The following LCOR variants were observed in gnomAD, a reference collection of about 807,000 sequenced individuals.
The protein encoded by LCOR is ligand dependent nuclear receptor corepressor.
A neutral mutation model predicts 64.4 loss-of-function variants in LCOR; 14 were observed. That is an observed-to-expected ratio of 0.22 (90% CI 0.14 to 0.34). LCOR has a LOEUF of 0.34. LCOR is among the 10% of genes least tolerant of loss of function. LCOR has a pLI of 1.00. For missense variants in LCOR, 1,686 were observed against 1,765.3 expected (o/e 0.96, Z 0.80); for synonymous variants, 643 against 642.5 (o/e 1.00, Z -0.01).
chr10:96,900,700 CAT>C (rs1234143118), intron 2 of LCOR, among the ~76,000 whole-genome samples: 1 of 151,918 alleles, frequency 6.6e-6, no homozygotes, highest in African/African-American at 2.4e-5. Flanking sequence ...TATTCCCAAT[CAT>C]ATTTTTCTTA....
At chr10:96,955,806 C>G (rs762281346) in intron 7 of LCOR, 1 of 1,614,096 alleles carries the variant, frequency 6.2e-7, no homozygotes, top group Non-Finnish European at 8.5e-7. Flanking sequence ...TTTGAAAAAC[C>G]CTCCAAAGAA....
chr10:96,935,755 GC>G (rs1466623820), intron 4 of LCOR, among the ~76,000 whole-genome samples: 1 of 152,210 alleles, frequency 6.6e-6, no homozygotes, highest in East Asian at 1.9e-4. Context: ...GATGGCCTTA[GC>G]CCAGGAAGGC....
chr10:96,939,609 C>T (rs1199183370), intron 4 of LCOR, among the ~76,000 whole-genome samples: 1 of 152,078 alleles, frequency 6.6e-6, no homozygotes, highest in East Asian at 1.9e-4. Context: ...GGACTTGTTT[C>T]AGAATATATC....
chr10:96,843,874 T>C (rs865945293), intron 2 of LCOR, among the ~76,000 whole-genome samples: 2 of 152,206 alleles, frequency 1.3e-5, no homozygotes, highest in African/African-American at 2.4e-5. Flanking sequence ...TTTTTGCTTC[T>C]GTTTTGTTTA....
Position 96,989,695 on chromosome 10 carries a change from A to ATATAT in LCOR, c.*4562_*4563insATATT, listed in dbSNP as rs1371771053. 3 of 86,190 alleles carry ATATAT rather than the reference A, an allele frequency of 3.5e-5. No individual in the cohort carries two copies. Among genetic ancestry groups the ATATAT allele is most frequent in the African/African-American group, 1.2e-4 (2 of 16,156 alleles). The allele number at this position is 86,190 out of a possible 1,614,324, so 5.3% of individuals were successfully genotyped here. On this transcript the variant is annotated 3_prime_UTR_variant, in exon 8 of 8. Transcript: ENST00000421806. ...TAAGGATATATATATATATATATAT[A>ATATAT]TTTTTTTTTTTTTTTTTTTTTTTTA...
intron 7 of LCOR, among the ~76,000 whole-genome samples, chr10:96,975,923 G>A (rs1848036280): frequency 6.6e-6 from 1 of 152,050 alleles, no homozygotes; most frequent in African/African-American, 2.4e-5. Flanking sequence ...GCTGAGCCAG[G>A]AGGGTTGCTT....
At chr10:96,859,779 AAACTCCTGAACTC>A (rs1845858579) in intron 2 of LCOR, among the ~76,000 whole-genome samples, 1 of 152,264 alleles carries the variant, frequency 6.6e-6, no homozygotes, top group East Asian at 1.9e-4. Flanking sequence ...GGCTGGTATC[AAACTCCTGAACTC>A]AAGCAGTCCA....
chr10:96,931,633 C>T lies in LCOR; in HGVS notation c.-183-12480C>T, dbSNP rs137878118. Among the ~76,000 whole-genome samples the T allele has an allele frequency of 1.7e-3, 253 of 152,254 alleles. 1 individual carries two copies. Among genetic ancestry groups the T allele is most frequent in the African/African-American group, 5.7e-3 (237 of 41,536 alleles). The stretch of plus-strand genomic sequence containing the variant: ...TACTTAAAGGATATTGGGAAGTGGA[C>T]GCAAAGTAGTGAGTCTACCAGAGAA... On this transcript the variant is annotated intron_variant, in intron 4 of 7. Coordinates refer to ENST00000421806, the MANE Select transcript of LCOR (RefSeq NM_001346516.2).
In LCOR at chr10:96,987,437, T is replaced by C. The variant is rs1242130327; in HGVS notation, c.*2303T>C. On this transcript the variant is annotated 3_prime_UTR_variant, in exon 8 of 8. Transcript: ENST00000421806. Reference sequence around the variant, plus strand: ...GGGTGGAACTTTTCCAGTTCCAAGTTTGTAATTCATTCCATTCCTTTTCTA... The same window carrying C: ...GGGTGGAACTTTTCCAGTTCCAAGTCTGTAATTCATTCCATTCCTTTTCTA... The C allele has an allele frequency of 6.6e-6, 1 of 152,222 alleles. No homozygotes were observed. Among genetic ancestry groups the C allele is most frequent in the Non-Finnish European group, 1.5e-5 (1 of 68,046 alleles). The allele number at this position is 152,222 out of a possible 1,614,324, so 9.4% of individuals were successfully genotyped here. A position where few individuals can be genotyped will look rare whatever the true frequency, so the allele number is the denominator to read the frequency against.
At chr10:96,844,692 A>G (rs751364828) in intron 2 of LCOR, among the ~76,000 whole-genome samples, 5 of 152,126 alleles carry the variant, frequency 3.3e-5, no homozygotes, top group Non-Finnish European at 7.3e-5. Flanking sequence ...ATCTTGTTCA[A>G]CTGGCCATTC....
intron 2 of LCOR, among the ~76,000 whole-genome samples, chr10:96,850,543 A>G (rs1015825623): frequency 6.6e-6 from 1 of 151,822 alleles, no homozygotes; most frequent in Admixed American, 6.6e-5. Context: ...GCTGGAGTGC[A>G]TGGTGTGATG....
intron 7 of LCOR, chr10:96,961,422 C>T (rs1204869973): frequency 6.6e-6 from 1 of 151,978 alleles, no homozygotes; most frequent in East Asian, 1.9e-4. Flanking sequence ...CCATCTTGAA[C>T]TGTCATTGAA....
intron 2 of LCOR, among the ~76,000 whole-genome samples, chr10:96,857,087 T>G (rs1251001462): frequency 4.8e-5 from 7 of 146,378 alleles, no homozygotes; most frequent in African/African-American, 1.9e-4. Flanking sequence ...GATATATATA[T>G]GTATATATAT....
At chr10:96,938,594 T>C (rs1031936144) in intron 4 of LCOR, among the ~76,000 whole-genome samples, 3 of 152,042 alleles carry the variant, frequency 2.0e-5, no homozygotes, top group Admixed American at 2.0e-4. Flanking sequence ...GAGGTAAAAC[T>C]GTCTTGGTTT....
chr10:96,887,479 C>T (rs992311753), intron 2 of LCOR, among the ~76,000 whole-genome samples: 6 of 151,456 alleles, frequency 4.0e-5, no homozygotes, highest in South Asian at 2.1e-4. Flanking sequence ...AGGAGAATGG[C>T]GTGAACCTGG....
At chr10:96,966,493 G>A (rs951375514) in intron 7 of LCOR, among the ~76,000 whole-genome samples, 1 of 152,094 alleles carries the variant, frequency 6.6e-6, no homozygotes, top group Admixed American at 6.5e-5. Context: ...CTCCCAAAGT[G>A]CTAGGATTAC....
intron 2 of LCOR, among the ~76,000 whole-genome samples, chr10:96,870,015 C>T (rs1341838701): frequency 6.6e-6 from 1 of 152,086 alleles, no homozygotes; most frequent in African/African-American, 2.4e-5. Flanking sequence ...GACTTCAGAG[C>T]CTAAACTTCT....
chr10:96,958,906 T>TAAAAAAAAAAAAAAAAAAAAAAAAAA (rs74784568), intron 7 of LCOR: 1 of 103,890 alleles, frequency 9.6e-6, no homozygotes, highest in Non-Finnish European at 2.2e-5. Context: ...AAGAAAAACT[T>TAAAAAAAAAAAAAAAAAAAAAAAAAA]AAAAAAAAAA....
chr10:96,879,301 C>T (rs996313648), intron 2 of LCOR, among the ~76,000 whole-genome samples: 1 of 152,190 alleles, frequency 6.6e-6, no homozygotes, highest in Non-Finnish European at 1.5e-5. Flanking sequence ...CTTGAACCCA[C>T]CCCTTGAACC....
Sources: allele counts gnomAD v4.1 joint callset (sites outside exome capture counted in the v4.1 genomes callset), GRCh38; gene constraint gnomAD v4.1.1; transcripts MANE v1.5; gene names NCBI Gene and HGNC (gene_info 2026-07-23, HGNC 2026-07-21).